IMMP2L: variants seen among roughly 807,000 people sequenced by gnomAD.
IMMP2L encodes mitochondrial inner membrane protease subunit 2.
In IMMP2L, 18 loss-of-function variants were observed where a neutral mutation model predicts 19.3. That is an observed-to-expected ratio of 0.93 (90% CI 0.64 to 1.38). The LOEUF is 1.38. Ranked by LOEUF, IMMP2L falls within the 40% of genes most tolerant of loss-of-function variation. The pLI is 0.00. For synonymous variants in IMMP2L, 76 were observed against 73.0 expected, an observed-to-expected ratio of 1.04 and a Z score of -0.21; for missense variants, 233 against 218.2, an observed-to-expected ratio of 1.07 and a Z score of -0.43.
chr7:111,012,649 C>G (rs114392244), intron 3 of IMMP2L, among the ~76,000 whole-genome samples: 1 of 152,270 alleles, frequency 6.6e-6, no homozygotes, highest in African/African-American at 2.4e-5. Context: ...TTATACATTA[C>G]ATATGTGGTA....
intron 3 of IMMP2L, among the ~76,000 whole-genome samples, chr7:111,204,328 G>A (rs1336431940): frequency 6.6e-6 from 1 of 151,912 alleles, no homozygotes; most frequent in Non-Finnish European, 1.5e-5. Context: ...AACTACAAGG[G>A]CATAAAACAA....
intron 3 of IMMP2L, among the ~76,000 whole-genome samples, chr7:111,409,941 G>A (rs965769572): frequency 3.3e-5 from 5 of 151,722 alleles, no homozygotes; most frequent in African/African-American, 1.2e-4. Context: ...TATAAGAATG[G>A]GGAACTCAGA....
intron 3 of IMMP2L, among the ~76,000 whole-genome samples, chr7:111,184,229 TAGG>T (rs1259642566): frequency 6.6e-6 from 1 of 151,690 alleles, no homozygotes; most frequent in African/African-American, 2.4e-5. Context: ...CAAAGAGAAA[TAGG>T]GGGGAAAATA....
In IMMP2L at chr7:111,284,534, G is replaced by C. The variant is rs114377947; in HGVS notation, c.239+202704C>G. Among the ~76,000 whole-genome samples, 624 of 152,246 alleles carry C rather than the reference G, an allele frequency of 4.1e-3. 8 individuals carry two copies. The highest frequency in any genetic ancestry group is 0.015 in the African/African-American group (603 of 41,554). On this transcript the variant is annotated intron_variant, in intron 3 of 5. Transcript: ENST00000405709. ...GATTCTTAGAAGTGGAAGAGTTTAG[G>C]GAGGAATGTTTGGGAAAACCGTAGT...
intron 3 of IMMP2L, among the ~76,000 whole-genome samples, chr7:111,063,740 C>T (rs563269918): frequency 1.3e-5 from 2 of 152,182 alleles, no homozygotes; most frequent in Admixed American, 6.5e-5. Flanking sequence ...GGGCAAAATG[C>T]CACCAGTCTC....
intron 3 of IMMP2L, among the ~76,000 whole-genome samples, chr7:111,058,331 T>A (rs1793701027): frequency 6.6e-6 from 1 of 152,204 alleles, no homozygotes. Context: ...AAAATTATAA[T>A]GTGTATTTTA....
chr7:111,351,267 C>T (rs999411971), intron 3 of IMMP2L, among the ~76,000 whole-genome samples: 1 of 152,020 alleles, frequency 6.6e-6, no homozygotes, highest in Non-Finnish European at 1.5e-5. Flanking sequence ...CTCTGCTCAC[C>T]GCAACCTCCG....
intron 3 of IMMP2L, among the ~76,000 whole-genome samples, chr7:111,467,250 C>T (rs899089307): frequency 6.6e-6 from 1 of 152,100 alleles, no homozygotes; most frequent in Non-Finnish European, 1.5e-5. Flanking sequence ...CAGTTCTTAC[C>T]TCACAGTGCT....
chr7:110,821,979 C>T (rs1433621837), intron 5 of IMMP2L, among the ~76,000 whole-genome samples: 1 of 152,032 alleles, frequency 6.6e-6, no homozygotes, highest in Non-Finnish European at 1.5e-5. Flanking sequence ...ACAACATAGT[C>T]AGAAACTTGG....
intron 1 of IMMP2L, chr7:111,532,401 TG>T (rs1327765355): frequency 6.6e-6 from 1 of 152,202 alleles, no homozygotes. Flanking sequence ...ACATGGTTTC[TG>T]GGTCTCATGA....
intron 3 of IMMP2L, chr7:111,124,414 C>T: frequency 6.2e-7 from 1 of 1,613,772 alleles, no homozygotes; most frequent in Non-Finnish European, 8.5e-7. Context: ...TTCTAAAATT[C>T]TCAAATCTAG....
At chr7:111,535,696 C>T (rs1352278484) in intron 1 of IMMP2L, among the ~76,000 whole-genome samples, 1 of 151,968 alleles carries the variant, frequency 6.6e-6, no homozygotes, top group African/African-American at 2.4e-5. Context: ...GGAATGCAAA[C>T]AGTGAGAGAA....
rs146084598 is a variant in IMMP2L at position 110,948,684 on chromosome 7, C to T, written c.305+14816G>A. Among the ~76,000 whole-genome samples, 14 of 152,220 alleles carry T rather than the reference C, an allele frequency of 9.2e-5. No individual in the cohort carries two copies. The East Asian group carries it at 2.2e-3, about 23-fold the overall frequency. The stretch of plus-strand genomic sequence containing the variant: ...ATGCAGTGTTCTTGTAGTATAATAG[C>T]TCTTCCCCCTTGTGATATTAATTTT... On this transcript the variant is annotated intron_variant, in intron 4 of 5. Transcript: ENST00000405709.
At chr7:110,815,644 G>T (rs946647555) in intron 5 of IMMP2L, among the ~76,000 whole-genome samples, 4 of 152,036 alleles carry the variant, frequency 2.6e-5, no homozygotes, top group African/African-American at 9.7e-5. Context: ...CAATTTCAGA[G>T]CCTGTTACTG....
chr7:111,451,767 G>A (rs1030762520), intron 3 of IMMP2L, among the ~76,000 whole-genome samples: 2 of 149,946 alleles, frequency 1.3e-5, no homozygotes, highest in East Asian at 3.9e-4. Flanking sequence ...AAAAAGCAGA[G>A]AGAAGGCAAG....
At chr7:110,986,370 A>C (rs1821854955) in intron 3 of IMMP2L, among the ~76,000 whole-genome samples, 1 of 152,152 alleles carries the variant, frequency 6.6e-6, no homozygotes, top group Non-Finnish European at 1.5e-5. Flanking sequence ...TGATCAGCTA[A>C]TCTGAGATAA....
intron 1 of IMMP2L, among the ~76,000 whole-genome samples, chr7:111,534,683 G>T (rs1379307628): frequency 6.6e-6 from 1 of 152,094 alleles, no homozygotes; most frequent in African/African-American, 2.4e-5. Context: ...ATAGGAAAAT[G>T]ACGTCAGTCT....
intron 3 of IMMP2L, among the ~76,000 whole-genome samples, chr7:111,282,065 A>ATATTTCAAGCATTGTGCTAGG (rs1400233703): frequency 6.6e-6 from 1 of 152,186 alleles, no homozygotes; most frequent in Non-Finnish European, 1.5e-5. Flanking sequence ...CTGACCTTCA[A>ATATTTCAAGCATTGTGCTAGG]TATTTCAAGC....
chr7:111,291,603 G>C (rs994028521), intron 3 of IMMP2L, among the ~76,000 whole-genome samples: 1 of 151,998 alleles, frequency 6.6e-6, no homozygotes, highest in Non-Finnish European at 1.5e-5. Flanking sequence ...GGTTATCAGG[G>C]GCCACAGGAA....
Sources: gnomAD v4.1 joint callset for allele counts (sites outside exome capture counted in the v4.1 genomes callset) on GRCh38, gnomAD v4.1.1 for gene constraint, MANE v1.5 for transcripts, NCBI Gene and HGNC (gene_info 2026-07-23, HGNC 2026-07-21) for gene names.